Variants in RYR3 observed in about 807,000 individuals in gnomAD.
RYR3 encodes the protein ryanodine receptor 3.
Under a neutral mutation model 584.3 loss-of-function variants are expected in RYR3, and 207 were observed. The ratio of observed to expected loss-of-function variants is 0.35; its 90% CI spans 0.32 to 0.40. The LOEUF (loss-of-function observed/expected upper bound fraction) is 0.40, where lower values mean the gene tolerates loss of function less well. Ranked by LOEUF, RYR3 falls within the 10% of genes least tolerant of loss-of-function variation. The pLI is 1.00. For missense variants in RYR3, 5,616 were observed against 6,089.2 expected, an observed-to-expected ratio of 0.92 and a Z score of 2.59; for synonymous variants, 2,416 against 2,248.5, an observed-to-expected ratio of 1.07 and a Z score of -2.11.
intron 14 of RYR3, among the ~76,000 whole-genome samples, 172 bp from the exon 15 acceptor site, chr15:33,584,221 TCA>T (rs2058730328): frequency 6.6e-6 from 1 of 151,942 alleles, no homozygotes; most frequent in South Asian, 2.1e-4. Flanking sequence ...GGTGAGACTG[TCA>T]CTTAAAAAAA....
intron 1 of RYR3, among the ~76,000 whole-genome samples, chr15:33,362,410 T>G (rs752495240): frequency 3.9e-5 from 6 of 152,072 alleles, no homozygotes; most frequent in Non-Finnish European, 5.9e-5. Context: ...ATCATCATCA[T>G]CATCAGCAGC....
chr15:33,314,210 T>A (rs1245574682), intron 1 of RYR3, among the ~76,000 whole-genome samples: 2 of 152,190 alleles, frequency 1.3e-5, no homozygotes, highest in East Asian at 3.9e-4. Context: ...GTATGCCAGT[T>A]AGAATCAGGC....
chr15:33,400,860 G>A (rs1202073246), intron 1 of RYR3, among the ~76,000 whole-genome samples: 2 of 152,118 alleles, frequency 1.3e-5, no homozygotes, highest in Admixed American at 6.5e-5. Context: ...TATAAGTATT[G>A]CAGTACCCTT....
chr15:33,378,913 T>A (rs2040949677), intron 1 of RYR3, among the ~76,000 whole-genome samples: 2 of 152,102 alleles, frequency 1.3e-5, no homozygotes, highest in African/African-American at 4.8e-5. Flanking sequence ...TAATATGAGC[T>A]ATGATTGTGC....
intron 8 of RYR3, 102 bp from the exon 9 acceptor site, chr15:33,548,028 A>G (rs2056379610): frequency 2.6e-6 from 2 of 768,868 alleles, no homozygotes; most frequent in East Asian, 5.4e-5. Flanking sequence ...AAAAGGGCTT[A>G]GACAAGCTCA....
Position 33,812,861 on chromosome 15 carries a change from A to G in RYR3, c.10258-2A>G. On this transcript the variant is annotated splice_acceptor_variant, in intron 72 of 103. Coordinates refer to ENST00000634891, the MANE Select transcript of RYR3 (RefSeq NM_001036.6). LOFTEE classifies it high-confidence loss of function. ...ATCTTATGAGTATGCTTCAATTTTCAGTCTGATGACCCAGCTGTAAAATGG... is the reference window on the plus strand; with the variant it reads ...ATCTTATGAGTATGCTTCAATTTTCGGTCTGATGACCCAGCTGTAAAATGG... 6.2e-7 allele frequency: 1 copy of G among 1,613,624 alleles called. No homozygotes were observed.
intron 60 of RYR3, among the ~76,000 whole-genome samples, chr15:33,764,068 C>A (rs1200213555): frequency 6.6e-6 from 1 of 152,026 alleles, no homozygotes; most frequent in Non-Finnish European, 1.5e-5. Context: ...ACCCAGCAAT[C>A]CCATTACTGG....
At chr15:33,791,415 G>A (rs2075149901) in intron 67 of RYR3, among the ~76,000 whole-genome samples, 1 of 152,030 alleles carries the variant, frequency 6.6e-6, no homozygotes, top group Non-Finnish European at 1.5e-5. Flanking sequence ...GGGAGAGAGA[G>A]GTCTTTTGGG....
rs1257308154 is a variant in RYR3, at chr15:33,473,522, C to G, written c.155C>G (p.Pro52Arg). 3 of 1,614,012 alleles carry G rather than the reference C, an allele frequency of 1.9e-6. No homozygotes were observed. In the South Asian group the frequency reaches 3.3e-5, roughly 18 times the overall value. The change falls in exon 2 of 104, where the codon CCC becomes CGC. Residue 52 changes from proline to arginine, a missense_variant. Pro to Arg is a moderately radical substitution (Grantham distance 103). This residue lies in a region of RYR3 where 1,284 missense variants were observed against 1,344.6 expected (regional missense o/e 0.95). Transcript: ENST00000634891. ...GLGNRLCFLE[P>R]TSEAKYIPPD... ...GGGAATCGCCTGTGCTTCTTGGAACCCACTTCAGAAGCCAAGGTGAGATTG... is the reference window on the plus strand; with the variant it reads ...GGGAATCGCCTGTGCTTCTTGGAACGCACTTCAGAAGCCAAGGTGAGATTG...
At chr15:33,744,119 G>C (rs145650523) in intron 52 of RYR3, among the ~76,000 whole-genome samples, 1,766 of 152,022 alleles carry the variant, frequency 0.012, 24 homozygotes, top group Non-Finnish European at 0.015. Flanking sequence ...CCAGATACCC[G>C]CCTGTACTCA....
chr15:33,571,726 T>G (rs1328640628), intron 12 of RYR3, among the ~76,000 whole-genome samples: 1 of 152,196 alleles, frequency 6.6e-6, no homozygotes, highest in Non-Finnish European at 1.5e-5. Flanking sequence ...ACAACACATA[T>G]TTGATTTTTT....
In RYR3 at chr15:33,654,460, A is replaced by G. The variant is rs555339864; in HGVS notation, c.4308+1577A>G. The stretch of plus-strand genomic sequence containing the variant: ...GGGGAGGTCAAGGCTGCAGTGAGCC[A>G]TGATTGTTCCACTGTACCCTACTCT... On this transcript the variant is annotated intron_variant, in intron 32 of 103. Transcript: ENST00000634891. Among the ~76,000 whole-genome samples the G allele has an allele frequency of 1.5e-3, 229 of 151,942 alleles. 1 individual carries two copies. The highest frequency in any genetic ancestry group is 5.3e-3 in the African/African-American group (218 of 41,450).
chr15:33,840,311 A>G (rs1443024354), intron 89 of RYR3, among the ~76,000 whole-genome samples: 1 of 152,208 alleles, frequency 6.6e-6, no homozygotes, highest in Non-Finnish European at 1.5e-5. Context: ...ACACGAGTCA[A>G]ATGGTACAAG....
chr15:33,611,384 A>G lies in RYR3; in HGVS notation c.2165-1799A>G, dbSNP rs1316287521. On this transcript the variant is annotated intron_variant, in intron 18 of 103. Transcript: ENST00000634891. ...ATCCTGGCTAACACGGTGAAACCCC[A>G]TCTCTACTAAAAATACAAAAAGTTA... Among the ~76,000 whole-genome samples the G allele has an allele frequency of 5.9e-5, 9 of 151,878 alleles. 1 individual carries two copies. In the East Asian group the frequency reaches 1.8e-3, roughly 30 times the overall value.
chr15:33,350,129 C>A (rs1973047576), intron 1 of RYR3, among the ~76,000 whole-genome samples: 1 of 152,026 alleles, frequency 6.6e-6, no homozygotes, highest in African/African-American at 2.4e-5. Context: ...ATGGCTGGGT[C>A]AAATGGTATT....
rs199849059 is a variant in RYR3, at chr15:33,634,872, AT to A, written c.3175+147del. ...GAAGAGCACTAGACTAAATGGTGTG[AT>A]TTTTTTTATTGTTATCGGGGAGACC... On this transcript the variant is annotated intron_variant, in intron 25 of 103. Transcript: ENST00000634891. The A allele has an allele frequency of 3.7e-3, 2,554 of 697,396 alleles. 64 individuals are homozygous for A. The African/African-American group carries it at 0.04, about 11-fold the overall frequency. The allele number at this position is 697,396 out of a possible 1,614,324, so 43.2% of individuals were successfully genotyped here.
intron 67 of RYR3, 127 bp downstream of exon 67, chr15:33,788,585 T>C: frequency 1.9e-6 from 2 of 1,032,188 alleles, no homozygotes; most frequent in African/African-American, 3.2e-5. Context: ...GCCCCCACCA[T>C]TCTCCTTCCC....
In RYR3 at chr15:33,559,837, A is replaced by G. The variant is rs548624667; in HGVS notation, c.973-3000A>G. Among the ~76,000 whole-genome samples the G allele has an allele frequency of 2.1e-3, 317 of 152,360 alleles. 1 individual carries two copies. Among genetic ancestry groups the G allele is most frequent in the Middle Eastern group, 6.8e-3 (2 of 294 alleles). ...ATACAGAAGATACGAAATATAAACAATACAGATGTAGAGATGCCAAGGTGA... is the reference window on the plus strand; with the variant it reads ...ATACAGAAGATACGAAATATAAACAGTACAGATGTAGAGATGCCAAGGTGA... On this transcript the variant is annotated intron_variant, in intron 10 of 103. Transcript: ENST00000634891.
At chr15:33,654,073 C>T (rs1024193442) in intron 32 of RYR3, among the ~76,000 whole-genome samples, 1 of 152,106 alleles carries the variant, frequency 6.6e-6, no homozygotes, top group Non-Finnish European at 1.5e-5. Flanking sequence ...ACATTCTCGA[C>T]TCTCCAAGGT....
Sources: allele counts gnomAD v4.1 joint callset (sites outside exome capture counted in the v4.1 genomes callset), GRCh38; gene constraint gnomAD v4.1.1; regional missense constraint gnomAD v4.1.1; transcripts MANE v1.5; gene names NCBI Gene and HGNC (gene_info 2026-07-23, HGNC 2026-07-21).